Variants in LRRC37A2 observed in about 807,000 individuals in gnomAD.
The protein encoded by LRRC37A2 is leucine-rich repeat-containing protein 37A2.
Under a neutral mutation model 68.8 loss-of-function variants are expected in LRRC37A2, and 9 were observed. That is an observed-to-expected ratio of 0.13 (90% CI 0.08 to 0.23). LRRC37A2 has a LOEUF of 0.23. Ranked by LOEUF, LRRC37A2 falls within the 10% of genes least tolerant of loss-of-function variation. The probability of loss-of-function intolerance (pLI) is 1.00; values close to 1 mark genes in which losing one functional copy is unlikely to be tolerated. For missense variants in LRRC37A2, 168 were observed against 950.4 expected (o/e 0.18, Z 10.82); for synonymous variants, 63 against 367.6 (o/e 0.17, Z 9.48).
the LRRC37A2 span, among the ~76,000 whole-genome samples, chr17:46,987,698 T>G: frequency 6.6e-6 from 1 of 152,114 alleles, no homozygotes; most frequent in Non-Finnish European, 1.5e-5. Context: ...GCAGCACTAT[T>G]CACAACAGCC....
the LRRC37A2 span, among the ~76,000 whole-genome samples, chr17:46,609,582 TAATAA>T: frequency 6.7e-6 from 1 of 148,242 alleles, no homozygotes; most frequent in African/African-American, 2.5e-5. Flanking sequence ...TGTTTCTAAA[TAATAA>T]AATATGTAAA....
chr17:46,978,824 G>T, the LRRC37A2 span: 2 of 1,608,046 alleles, frequency 1.2e-6, no homozygotes, highest in Non-Finnish European at 1.7e-6. Context: ...GACACCCACA[G>T]GCTGCGCTCG....
At chr17:46,968,412 C>G in the LRRC37A2 span, among the ~76,000 whole-genome samples, 4 of 152,254 alleles carry the variant, frequency 2.6e-5, no homozygotes, top group African/African-American at 7.2e-5. Flanking sequence ...CATTCCCACG[C>G]TTACATCCTA....
At chr17:46,948,428 A>G in the LRRC37A2 span, 1 of 152,252 alleles carries the variant, frequency 6.6e-6, no homozygotes. Context: ...AAGGACTGCA[A>G]GTATTTGCCA....
At chr17:46,687,068 G>C in the LRRC37A2 span, among the ~76,000 whole-genome samples, 1 of 19,348 alleles carries the variant, frequency 5.2e-5, no homozygotes, top group Non-Finnish European at 1.1e-4. Context: ...GTCATTTTTG[G>C]AACTCTTTCT....
the LRRC37A2 span, among the ~76,000 whole-genome samples, chr17:46,802,563 C>G: frequency 6.6e-6 from 1 of 152,166 alleles, no homozygotes; most frequent in Non-Finnish European, 1.5e-5. Context: ...CCACCGTGCC[C>G]GGCCAAGATT....
chr17:46,785,364 T>C, the LRRC37A2 span, among the ~76,000 whole-genome samples: 1 of 151,886 alleles, frequency 6.6e-6, no homozygotes, highest in Non-Finnish European at 1.5e-5. Flanking sequence ...AACAGAAAGG[T>C]GAGGTCTGGG....
chr17:46,965,195 G>A, the LRRC37A2 span, among the ~76,000 whole-genome samples: 1 of 152,242 alleles, frequency 6.6e-6, no homozygotes, highest in African/African-American at 2.4e-5. Context: ...GTGGAAGGAT[G>A]TCTCTGGGGG....
chr17:46,790,758 A>T, the LRRC37A2 span, among the ~76,000 whole-genome samples: 2 of 152,258 alleles, frequency 1.3e-5, no homozygotes, highest in Admixed American at 1.3e-4. Context: ...TCCAGCAGCC[A>T]TGAAGAAGAA....
the LRRC37A2 span, chr17:46,886,569 A>G: frequency 6.6e-6 from 1 of 152,136 alleles, no homozygotes; most frequent in Non-Finnish European, 1.5e-5. Flanking sequence ...AGGTGATTCA[A>G]TTAAGGATGC....
chr17:46,938,743 G>A, the LRRC37A2 span: 1 of 1,613,960 alleles, frequency 6.2e-7, no homozygotes. Flanking sequence ...GTTCCTCGTG[G>A]TGCAGTACCT....
At chr17:46,888,527 G>C in the LRRC37A2 span, among the ~76,000 whole-genome samples, 6 of 152,074 alleles carry the variant, frequency 3.9e-5, no homozygotes, top group African/African-American at 1.5e-4. Context: ...ACACTGCTGC[G>C]GCATTTTACA....
chr17:46,705,324 C>A, the LRRC37A2 span, among the ~76,000 whole-genome samples: 1 of 148,782 alleles, frequency 6.7e-6, no homozygotes. Flanking sequence ...ATCCCTTTTT[C>A]TTGCTCAGTA....
chr17:46,978,682 G>A, the LRRC37A2 span: 1 of 1,610,734 alleles, frequency 6.2e-7, no homozygotes, highest in Non-Finnish European at 8.5e-7. Flanking sequence ...CACGTCCTTG[G>A]AGGGCCGGCG....
chr17:46,899,002 G>C, the LRRC37A2 span, among the ~76,000 whole-genome samples: 1 of 152,102 alleles, frequency 6.6e-6, no homozygotes, highest in South Asian at 2.1e-4. Flanking sequence ...GGAAAAGGTG[G>C]AAACAACCCA....
At chr17:47,017,154 C>G in the LRRC37A2 span, 81 of 1,607,532 alleles carry the variant, frequency 5.0e-5, no homozygotes, top group Non-Finnish European at 6.5e-5. Context: ...GGGCGGGACT[C>G]ACGCTTACAA....
chr17:46,950,186 G>C, the LRRC37A2 span, among the ~76,000 whole-genome samples: 1 of 152,320 alleles, frequency 6.6e-6, no homozygotes, highest in East Asian at 1.9e-4. Context: ...AGAGTTCACG[G>C]GGGCTGAGAG....
chr17:46,823,680 C>G, the LRRC37A2 span, among the ~76,000 whole-genome samples: 8 of 152,194 alleles, frequency 5.3e-5, no homozygotes, highest in African/African-American at 1.9e-4. Flanking sequence ...CCTCAAATGA[C>G]CCACCCATCT....
the LRRC37A2 span, among the ~76,000 whole-genome samples, chr17:46,492,838 C>T: frequency 6.7e-6 from 1 of 150,178 alleles, no homozygotes; most frequent in African/African-American, 2.5e-5. Context: ...GGACTACAGG[C>T]GTCTACCACC....
Sources: gnomAD v4.1 joint callset for allele counts (sites outside exome capture counted in the v4.1 genomes callset) on GRCh38, gnomAD v4.1.1 for gene constraint, MANE v1.5 for transcripts, NCBI Gene and HGNC (gene_info 2026-07-23, HGNC 2026-07-21) for gene names.